The following DEAF1 variants were observed in gnomAD, a reference collection of about 807,000 sequenced individuals.
DEAF1 encodes the protein DEAF1 transcription factor.
DEAF1 carries 53 observed loss-of-function variants against 58.9 expected under a neutral mutation model. The observed-to-expected ratio is 0.90, with a 90% CI of 0.72 to 1.13. DEAF1 has a LOEUF of 1.13. Ranked by LOEUF, DEAF1 falls within the 50% of genes most tolerant of loss-of-function variation. The pLI, the probability that DEAF1 is intolerant of heterozygous loss-of-function variation, is 0.00. For missense variants in DEAF1, 685 were observed against 791.4 expected (o/e 0.87, Z 1.61); for synonymous variants, 385 against 340.4 (o/e 1.13, Z -1.44).
At chr11:674,333 C>T in intron 10 of DEAF1, 1 of 745,240 alleles carries the variant, frequency 1.3e-6, no homozygotes, top group Non-Finnish European at 2.2e-6. Context: ...TTTACAAAAA[C>T]CAAAACCACC....
chr11:682,795 A>C (rs6597993), intron 6 of DEAF1, among the ~76,000 whole-genome samples: 104,524 of 152,000 alleles, frequency 0.69, 36,123 homozygotes, highest in East Asian at 0.93. Flanking sequence ...CTGAGTGGGG[A>C]TGACTGAAGA....
intron 1 of DEAF1, among the ~76,000 whole-genome samples, chr11:705,612 G>A (rs1248123567): frequency 2.0e-5 from 3 of 152,202 alleles, no homozygotes; most frequent in African/African-American, 7.2e-5. Context: ...CAGGGCTCCA[G>A]GCCTGGGGTG....
rs1346609831 is a variant in DEAF1 at position 688,967 on chromosome 11, C to T, written c.388-507G>A. On this transcript the variant is annotated intron_variant, in intron 2 of 11. Transcript: ENST00000382409. This position sits in a 1 kb window ranked among gnomAD's most constrained non-coding sequence, Gnocchi z 4.3. ...CAGCCTTCAGGCGGCACAGACCCCGCCACAGGAAGCCAGAGTCTCCATGCC... is the reference window on the plus strand; with the variant it reads ...CAGCCTTCAGGCGGCACAGACCCCGTCACAGGAAGCCAGAGTCTCCATGCC... Among the ~76,000 whole-genome samples, 1 of 152,150 alleles carries T rather than the reference C, an allele frequency of 6.6e-6. No individual in the cohort carries two copies. Among genetic ancestry groups the T allele is most frequent in the African/African-American group, 2.4e-5 (1 of 41,414 alleles).
chr11:647,322 C>T (rs1054242038), intron 11 of DEAF1, among the ~76,000 whole-genome samples: 8 of 151,912 alleles, frequency 5.3e-5, no homozygotes, highest in East Asian at 1.9e-4. Flanking sequence ...GACGTGGTGG[C>T]GGGTGCCTGT....
chr11:652,613 G>A (rs1858829251), intron 11 of DEAF1, among the ~76,000 whole-genome samples: 3 of 151,960 alleles, frequency 2.0e-5, no homozygotes, highest in Non-Finnish European at 4.4e-5. Flanking sequence ...ACTCCAGCCT[G>A]GGCTACAGAG....
At chr11:693,695 C>A (rs1388635015) in intron 1 of DEAF1, 1 of 152,288 alleles carries the variant, frequency 6.6e-6, no homozygotes, top group African/African-American at 2.4e-5. Flanking sequence ...GACACAAGGG[C>A]GGGACACAGG....
At position 644,883 on chromosome 11, in the gene DEAF1, C is replaced by T. The variant is rs989432496; in HGVS notation, c.1594-229G>A. ...ATTGGATCAAAAGGCAAACAACAGG[C>T]AGGGCACGGTGGCTCACGCCTGTAA... On this transcript the variant is annotated intron_variant, in intron 11 of 11. Coordinates refer to ENST00000382409, the MANE Select transcript of DEAF1 (RefSeq NM_021008.4). The surrounding 1 kb of genome is among the most constrained non-coding windows in gnomAD (Gnocchi z 4.3). 6.6e-5 allele frequency among the ~76,000 whole-genome samples: 10 copies of T among 152,208 alleles called. No homozygotes were observed. The East Asian group carries it at 1.7e-3, about 26-fold the overall frequency.
At chr11:686,823 T>C (rs998225746) in intron 5 of DEAF1, 35 bp downstream of exon 5, 2 of 1,613,446 alleles carry the variant, frequency 1.2e-6, no homozygotes, top group Non-Finnish European at 1.7e-6. Flanking sequence ...ACGTCTGAAC[T>C]GTGTGCTGAG....
chr11:662,908 T>C (rs1859376643), intron 10 of DEAF1, among the ~76,000 whole-genome samples: 1 of 152,088 alleles, frequency 6.6e-6, no homozygotes, highest in African/African-American at 2.4e-5. Context: ...ATGAATATCC[T>C]CCAGCCAACT....
At chr11:671,543 T>C (rs1012501087) in intron 10 of DEAF1, among the ~76,000 whole-genome samples, 16 of 151,864 alleles carry the variant, frequency 1.1e-4, no homozygotes, top group African/African-American at 3.9e-4. Flanking sequence ...TAAAATTATC[T>C]TTGTCTTCAG....
rs773559317 is a variant in DEAF1 at position 679,742 on chromosome 11, T to C, written c.1072A>G (p.Thr358Ala). 3.7e-6 allele frequency: 6 copies of C among 1,613,740 alleles called. No individual in the cohort carries two copies. The highest frequency in any genetic ancestry group is 5.1e-6 in the Non-Finnish European group (6 of 1,180,050). Residue 358 changes from threonine (T) to alanine (A), a missense_variant, in exon 8 of 12, where the codon ACT (threonine) becomes GCT (alanine). Thr to Ala is a moderately conservative substitution (Grantham distance 58). This residue lies in a region of DEAF1 where 343 missense variants were observed against 379.8 expected (regional missense o/e 0.90). Transcript: ENST00000382409. ...TFDRASTVEATAVISESPAQG... is the reference protein window; with the variant it reads ...TFDRASTVEAAAVISESPAQG... ...GCCGGACTCTCTGATATGACAGCAG[T>C]GGCCTCTACCGTGGACGCTCGGTCA...
At chr11:663,861 C>T (rs1859419579) in intron 10 of DEAF1, among the ~76,000 whole-genome samples, 1 of 152,212 alleles carries the variant, frequency 6.6e-6, no homozygotes, top group African/African-American at 2.4e-5. Flanking sequence ...GCACTGTGGT[C>T]CTGTCTGCTA....
intron 1 of DEAF1, chr11:704,725 G>C: frequency 8.7e-7 from 1 of 1,143,776 alleles, no homozygotes; most frequent in Non-Finnish European, 1.2e-6. Flanking sequence ...ATGGCTCCAG[G>C]TGACCCGGAG....
rs866439216 is a variant in DEAF1 at position 667,933 on chromosome 11, G to A, written c.1503+6603C>T. On this transcript the variant is annotated intron_variant, in intron 10 of 11. Coordinates refer to ENST00000382409, the MANE Select transcript of DEAF1 (RefSeq NM_021008.4). ...TCAACACCAGCCTGAGCAACATGGC[G>A]AAACCCCGTCTCTACCAAAAATACA... is the stretch of plus-strand genomic sequence containing the variant. 2.0e-4 allele frequency among the ~76,000 whole-genome samples: 31 copies of A among 151,942 alleles called. No individual in the cohort carries two copies. In the Middle Eastern group the frequency reaches 0.01, roughly 50 times the overall value.
intron 1 of DEAF1, chr11:701,030 G>A (rs888125792): frequency 1.2e-5 from 5 of 411,430 alleles, no homozygotes; most frequent in South Asian, 2.4e-5. Flanking sequence ...ATATTCACCA[G>A]CACCCCTTTC....
intron 1 of DEAF1, among the ~76,000 whole-genome samples, chr11:702,342 G>A (rs1192268758): frequency 1.3e-5 from 2 of 152,240 alleles, no homozygotes; most frequent in Non-Finnish European, 2.9e-5. Flanking sequence ...GTTCTTGGCT[G>A]ATCTTCTGGG....
At chr11:702,506 C>T (rs61876703) in intron 1 of DEAF1, among the ~76,000 whole-genome samples, 4,939 of 152,288 alleles carry the variant, frequency 0.032, 111 homozygotes, top group African/African-American at 0.061. Context: ...TTGCTAAATA[C>T]GCAGTTTTGT....
intron 5 of DEAF1, among the ~76,000 whole-genome samples, chr11:685,492 G>A (rs998647298): frequency 2.0e-5 from 3 of 151,896 alleles, no homozygotes; most frequent in Non-Finnish European, 1.5e-5. Flanking sequence ...CTCAGGAGCT[G>A]GAGACCAGCC....
At chr11:691,272 G>A (rs1482433895) in intron 2 of DEAF1, among the ~76,000 whole-genome samples, 1 of 152,236 alleles carries the variant, frequency 6.6e-6, no homozygotes, top group African/African-American at 2.4e-5. Flanking sequence ...CATCTGACAG[G>A]TGTGGCTCTT....
Sources: gnomAD v4.1 joint callset for allele counts (sites outside exome capture counted in the v4.1 genomes callset) on GRCh38, gnomAD v4.1.1 for gene constraint, gnomAD v4.1.1 regional missense constraint, Gnocchi (gnomAD v3.1) non-coding constraint, MANE v1.5 for transcripts, NCBI Gene and HGNC (gene_info 2026-07-23, HGNC 2026-07-21) for gene names.